Variants in LZTS1 observed in about 807,000 individuals in gnomAD.
LZTS1 encodes leucine zipper putative tumor suppressor 1.
A neutral mutation model predicts 45.8 loss-of-function variants in LZTS1; 31 were observed. The ratio of observed to expected loss-of-function variants is 0.68; its 90% CI spans 0.51 to 0.91. The LOEUF is 0.91. Among genes scored for constraint, LZTS1 ranks in the 40% least tolerant of loss-of-function variants. The probability of loss-of-function intolerance (pLI) is 0.00; values close to 1 mark genes in which losing one functional copy is unlikely to be tolerated. For synonymous variants in LZTS1, 359 were observed against 357.3 expected, an observed-to-expected ratio of 1.00 and a Z score of -0.05; for missense variants, 821 against 788.9, an observed-to-expected ratio of 1.04 and a Z score of -0.49.
At chr8:20,300,356 G>A (rs367917441) in intron 1 of LZTS1, among the ~76,000 whole-genome samples, 7 of 151,524 alleles carry the variant, frequency 4.6e-5, no homozygotes, top group East Asian at 3.9e-4. Flanking sequence ...TTTTTGAGAC[G>A]GAGTCTCTCT....
intron 1 of LZTS1, among the ~76,000 whole-genome samples, chr8:20,275,500 T>A (rs1800562936): frequency 7.0e-6 from 1 of 141,902 alleles, no homozygotes; most frequent in South Asian, 2.3e-4. Context: ...CAGAGAGAGG[T>A]GGGCTGGGAG....
chr8:20,246,236 C>T lies in LZTS1; in HGVS notation c.*3486G>A, dbSNP rs967606305. ...AAATTGCCACAAATAGTTTACATGG[C>T]CAAAAAGTGACGTCAAAAATAAAAT... On this transcript the variant is annotated 3_prime_UTR_variant, in exon 4 of 4. Coordinates refer to ENST00000381569, the MANE Select transcript of LZTS1 (RefSeq NM_021020.5). The T allele has an allele frequency of 6.6e-6, 1 of 152,588 alleles. No homozygotes were observed. The highest frequency in any genetic ancestry group is 2.4e-5 in the African/African-American group (1 of 41,432). 9.5% of individuals were successfully genotyped at this position (152,588 alleles called of 1,614,324 possible).
chr8:20,260,292 A>G (rs1224855062), intron 1 of LZTS1, among the ~76,000 whole-genome samples: 1 of 152,042 alleles, frequency 6.6e-6, no homozygotes, highest in Non-Finnish European at 1.5e-5. Context: ...GCAGTGGCAT[A>G]ATCTCAGCTC....
Position 20,249,876 on chromosome 8 carries a change from A to G in LZTS1, c.1637T>C (p.Leu546Pro). The change falls in exon 4 of 4, where the codon CTG (leucine) becomes CCG (proline). Residue 546 changes from leucine to proline, a missense_variant. Transcript: ENST00000381569. The stretch of plus-strand genomic sequence containing the variant: ...GTACATGGCCACGTAGCTCTGCTGC[A>G]GCTGTTTCTGGTACTGAATCACCTT... The part of the protein sequence containing the change: ...KEKVIQYQKQ[L>P]QQSYVAMYQR... 6.2e-7 allele frequency: 1 copy of G among 1,614,188 alleles called. No homozygotes were observed. The highest frequency in any genetic ancestry group is 8.5e-7 in the Non-Finnish European group (1 of 1,180,012).
intron 1 of LZTS1, among the ~76,000 whole-genome samples, chr8:20,270,787 C>T (rs1221711636): frequency 7.2e-6 from 1 of 139,232 alleles, no homozygotes; most frequent in Non-Finnish European, 1.5e-5. Context: ...TTAGATGCAC[C>T]GAGTGTGTCC....
At chr8:20,274,226 C>T (rs1363069640) in intron 1 of LZTS1, among the ~76,000 whole-genome samples, 1 of 152,188 alleles carries the variant, frequency 6.6e-6, no homozygotes, top group African/African-American at 2.4e-5. Context: ...AGCGCAGTAC[C>T]TTCTGGCCCA....
chr8:20,301,879 A>ACACAG (rs1433916797), intron 1 of LZTS1, among the ~76,000 whole-genome samples: 4 of 152,200 alleles, frequency 2.6e-5, no homozygotes, highest in African/African-American at 7.2e-5. Context: ...CTCGTGAAGC[A>ACACAG]CACAGCCGCT....
At position 20,303,780 on chromosome 8, in the gene LZTS1, T is replaced by C. The variant is rs962708199; in HGVS notation, c.-175A>G. Reference sequence around the variant, plus strand: ...CGGGCGCACTTGAGACTTTTTTTTTTTCCCAGTGTTTCCCGGTGTGTTCCC... The same window carrying C: ...CGGGCGCACTTGAGACTTTTTTTTTCTCCCAGTGTTTCCCGGTGTGTTCCC... On this transcript the variant is annotated 5_prime_UTR_variant, in exon 1 of 4. Transcript: ENST00000381569. 5.1e-6 allele frequency: 5 copies of C among 984,968 alleles called. No individual in the cohort carries two copies. Among genetic ancestry groups the C allele is most frequent in the East Asian group, 1.1e-4 (1 of 8,800 alleles). 61.0% of individuals were successfully genotyped at this position (984,968 alleles called of 1,614,324 possible). A position where few individuals can be genotyped will look rare whatever the true frequency, so the allele number is the denominator to read the frequency against.
intron 1 of LZTS1, among the ~76,000 whole-genome samples, chr8:20,270,986 G>T (rs67109150): frequency 0.067 from 10,249 of 152,076 alleles, 453 homozygotes; most frequent in African/African-American, 0.11. Context: ...GACCTGGCGT[G>T]GCACGAAGAG....
At chr8:20,272,219 T>C (rs1451929185) in intron 1 of LZTS1, among the ~76,000 whole-genome samples, 2 of 152,136 alleles carry the variant, frequency 1.3e-5, no homozygotes, top group African/African-American at 4.8e-5. Flanking sequence ...CTCCCACTAT[T>C]TCAGGCTAGA....
rs908633245 is a variant in LZTS1, at chr8:20,267,517, T to G, written c.-134-12202A>C. On this transcript the variant is annotated intron_variant, in intron 1 of 3. Coordinates refer to ENST00000381569, the MANE Select transcript of LZTS1 (RefSeq NM_021020.5). The stretch of plus-strand genomic sequence containing the variant: ...ATTCATCAGAACAGACACTTGTTTT[T>G]TTGCTTGTTTGTTTTTTGAGACAGA... 3.3e-5 allele frequency among the ~76,000 whole-genome samples: 5 copies of G among 152,118 alleles called. 1 individual carries two copies. The highest frequency in any genetic ancestry group is 9.7e-5 in the African/African-American group (4 of 41,418).
At chr8:20,258,239 G>C (rs905136857) in intron 1 of LZTS1, among the ~76,000 whole-genome samples, 20 of 152,314 alleles carry the variant, frequency 1.3e-4, no homozygotes, top group African/African-American at 4.3e-4. Flanking sequence ...AGATGTGGAA[G>C]GAGCCTCTGT....
At chr8:20,292,164 G>C (rs191462565) in intron 1 of LZTS1, among the ~76,000 whole-genome samples, 31 of 152,382 alleles carry the variant, frequency 2.0e-4, no homozygotes, top group African/African-American at 6.7e-4. Context: ...GAATCTTCCA[G>C]AGGAAGGTGG....
chr8:20,251,129 A>ATATATG (rs1220293276), intron 3 of LZTS1, among the ~76,000 whole-genome samples: 1 of 29,208 alleles, frequency 3.4e-5, no homozygotes, highest in African/African-American at 1.6e-4. Flanking sequence ...ATATATATAT[A>ATATATG]TATATATATA....
chr8:20,269,369 T>G (rs1308606509), intron 1 of LZTS1, among the ~76,000 whole-genome samples: 1 of 152,192 alleles, frequency 6.6e-6, no homozygotes, highest in Non-Finnish European at 1.5e-5. Context: ...AGACAGAGAC[T>G]GCAACCTAGG....
Position 20,303,921 on chromosome 8 carries a change from C to T in LZTS1, c.-316G>A, listed in dbSNP as rs1337816210. 3 of 983,786 alleles carry T rather than the reference C, an allele frequency of 3.0e-6. No homozygotes were observed. The highest frequency in any genetic ancestry group is 2.3e-4 in the East Asian group (2 of 8,808). The allele number at this position is 983,786 out of a possible 1,614,324, so 60.9% of individuals were successfully genotyped here. On this transcript the variant is annotated 5_prime_UTR_variant, in exon 1 of 4. Coordinates refer to ENST00000381569, the MANE Select transcript of LZTS1 (RefSeq NM_021020.5). Reference sequence around the variant, plus strand: ...CAGAGAAACTTTCGGCCTCCCCGCCCGGCCGCTGCCAACCCGCCAGCTCCA... The same window carrying T: ...CAGAGAAACTTTCGGCCTCCCCGCCTGGCCGCTGCCAACCCGCCAGCTCCA...
chr8:20,301,800 G>GCA (rs1801084317), intron 1 of LZTS1, among the ~76,000 whole-genome samples: 1 of 152,038 alleles, frequency 6.6e-6, no homozygotes, highest in South Asian at 2.1e-4. Flanking sequence ...ATCGACCCAG[G>GCA]CACACACAGC....
At position 20,250,095 on chromosome 8, in the gene LZTS1, TG is replaced by T; in HGVS notation, c.1417del (p.Gln473ArgfsTer67). Reference sequence around the variant, plus strand: ...CTGGGCCCGCAGCTCCTGCAGCTCCTGCTCCAGCAGGTTCACCTTCTCCCGC... The same window carrying T: ...CTGGGCCCGCAGCTCCTGCAGCTCCTCTCCAGCAGGTTCACCTTCTCCCGC... ...LLREKVNLLE[Q>X]ELQELRAQAA... On this transcript the variant is annotated frameshift_variant, in exon 4 of 4. Transcript: ENST00000381569. LOFTEE classifies it high-confidence loss of function. 1 of 1,607,142 alleles carries T rather than the reference TG, an allele frequency of 6.2e-7. No homozygotes were observed.
At chr8:20,254,756 T>A in intron 2 of LZTS1, 81 bp downstream of exon 2, 16 of 1,204,868 alleles carry the variant, frequency 1.3e-5, no homozygotes, top group East Asian at 5.3e-5. Flanking sequence ...CCACTCCCCC[T>A]GAACCCCCAG....
Sources: gnomAD v4.1 joint callset for allele counts (sites outside exome capture counted in the v4.1 genomes callset) on GRCh38, gnomAD v4.1.1 for gene constraint, MANE v1.5 for transcripts, NCBI Gene and HGNC (gene_info 2026-07-23, HGNC 2026-07-21) for gene names.